The following GRID1 variants were observed in gnomAD, a reference collection of about 807,000 sequenced individuals.
GRID1 encodes glutamate receptor ionotropic, delta-1.
GRID1 carries 28 observed loss-of-function variants against 98.0 expected under a neutral mutation model. That is an observed-to-expected ratio of 0.29 (90% CI 0.21 to 0.39). GRID1 has a LOEUF of 0.39. Ranked by LOEUF, GRID1 falls within the 10% of genes least tolerant of loss-of-function variation. The probability of loss-of-function intolerance (pLI) is 1.00; values close to 1 mark genes in which losing one functional copy is unlikely to be tolerated. For synonymous variants in GRID1, 553 were observed against 538.5 expected (o/e 1.03, Z -0.37); for missense variants, 1,111 against 1,340.5 (o/e 0.83, Z 2.67).
At chr10:86,126,269 G>T (rs1187640242) in intron 4 of GRID1, among the ~76,000 whole-genome samples, 1 of 152,116 alleles carries the variant, frequency 6.6e-6, no homozygotes, top group Non-Finnish European at 1.5e-5. Context: ...GCCTGGCCAA[G>T]ATAGCGAAAC....
At chr10:85,653,117 G>C (rs140678847) in intron 12 of GRID1, among the ~76,000 whole-genome samples, 3 of 152,140 alleles carry the variant, frequency 2.0e-5, no homozygotes, top group African/African-American at 7.2e-5. Context: ...GTTTTCCAAC[G>C]CTTTAAAATG....
intron 4 of GRID1, among the ~76,000 whole-genome samples, chr10:85,963,677 A>C (rs149597582): frequency 2.6e-5 from 4 of 152,252 alleles, no homozygotes; most frequent in South Asian, 2.1e-4. Context: ...TCCTGGTCAC[A>C]CCTTGCCTCA....
intron 12 of GRID1, chr10:85,649,866 C>G (rs1229976629): frequency 6.6e-6 from 1 of 152,372 alleles, no homozygotes; most frequent in Non-Finnish European, 1.5e-5. Context: ...TTCTTTGAAT[C>G]TTACTGCTCA....
chr10:86,053,481 C>T (rs1843530555), intron 4 of GRID1, among the ~76,000 whole-genome samples: 1 of 151,994 alleles, frequency 6.6e-6, no homozygotes, highest in African/African-American at 2.4e-5. Context: ...CCTCAGCCTC[C>T]TTGAGTAGCT....
At chr10:85,896,289 C>T (rs1360274849) in intron 5 of GRID1, among the ~76,000 whole-genome samples, 1 of 152,154 alleles carries the variant, frequency 6.6e-6, no homozygotes, top group Admixed American at 6.6e-5. Flanking sequence ...AGAACTTTTA[C>T]TTGGCTTGAT....
intron 10 of GRID1, among the ~76,000 whole-genome samples, chr10:85,726,331 G>A (rs1451571950): frequency 6.6e-6 from 1 of 152,054 alleles, no homozygotes; most frequent in East Asian, 1.9e-4. Flanking sequence ...TAGCCAAGGA[G>A]CCCAACAAAG....
Position 85,602,151 on chromosome 10 carries a change from GA to G in GRID1, c.*121del, listed in dbSNP as rs1842584221. 1.8e-6 allele frequency: 1 copy of G among 569,988 alleles called. No homozygotes were observed. Among genetic ancestry groups the G allele is most frequent in the African/African-American group, 1.9e-5 (1 of 53,050 alleles). 35.3% of individuals were successfully genotyped at this position (569,988 alleles called of 1,614,324 possible). ...ATTTACACATATGTACAAGAAAAAT[GA>G]AAGAGTCTCTGTGTATGTGTGTGTG... On this transcript the variant is annotated 3_prime_UTR_variant, in exon 16 of 16. Transcript: ENST00000327946.
At chr10:86,321,078 C>A (rs1157066293) in intron 2 of GRID1, among the ~76,000 whole-genome samples, 2 of 139,008 alleles carry the variant, frequency 1.4e-5, no homozygotes, top group East Asian at 2.0e-4. Context: ...CCAGCCTGGG[C>A]GACAGAGTGA....
chr10:85,603,406 G>A (rs930067077), intron 15 of GRID1, among the ~76,000 whole-genome samples: 7 of 152,166 alleles, frequency 4.6e-5, no homozygotes, highest in African/African-American at 1.7e-4. Context: ...TGACCCTCCT[G>A]GTTTCATGAG....
chr10:85,732,337 CT>C (rs958900805), intron 8 of GRID1, among the ~76,000 whole-genome samples: 36 of 152,300 alleles, frequency 2.4e-4, no homozygotes, highest in African/African-American at 8.2e-4. Context: ...ACTCAATACT[CT>C]TATCCTGCAC....
At chr10:86,241,828 G>A (rs1846641136) in intron 2 of GRID1, among the ~76,000 whole-genome samples, 2 of 152,160 alleles carry the variant, frequency 1.3e-5, no homozygotes, top group African/African-American at 4.8e-5. Context: ...GGATGGAGCA[G>A]AAGACACCCC....
chr10:85,611,589 G>A (rs541197148), intron 15 of GRID1, among the ~76,000 whole-genome samples: 14 of 152,300 alleles, frequency 9.2e-5, no homozygotes, highest in Admixed American at 2.6e-4. Context: ...CGGGTGCAAC[G>A]TGTGCCAATT....
At chr10:85,955,320 C>A (rs1049270162) in intron 4 of GRID1, among the ~76,000 whole-genome samples, 4 of 152,162 alleles carry the variant, frequency 2.6e-5, no homozygotes, top group African/African-American at 9.7e-5. Flanking sequence ...CATATGGAGA[C>A]ACCAAGAGGC....
intron 8 of GRID1, among the ~76,000 whole-genome samples, chr10:85,831,656 A>G (rs957883706): frequency 6.6e-6 from 1 of 152,116 alleles, no homozygotes; most frequent in African/African-American, 2.4e-5. Flanking sequence ...TGACTAACCA[A>G]AAAAACGACT....
At chr10:85,749,785 C>T (rs190970213) in intron 8 of GRID1, among the ~76,000 whole-genome samples, 1 of 152,246 alleles carries the variant, frequency 6.6e-6, no homozygotes, top group Non-Finnish European at 1.5e-5. Context: ...ACATTTTCAC[C>T]CTAGAACTAC....
At chr10:85,788,939 T>A (rs1842454153) in intron 8 of GRID1, among the ~76,000 whole-genome samples, 1 of 152,164 alleles carries the variant, frequency 6.6e-6, no homozygotes, top group South Asian at 2.1e-4. Context: ...ATTTGTATAC[T>A]TAGCTTTCCA....
In GRID1 at chr10:86,206,226, G is replaced by C; in HGVS notation, c.520+138C>G. 1 of 691,128 alleles carries C rather than the reference G, an allele frequency of 1.4e-6. No homozygotes were observed. The allele number at this position is 691,128 out of a possible 1,614,324, so 42.8% of individuals were successfully genotyped here. ...GCTCTTCCTGACTCATGAAGCTCGA[G>C]GTTTGACCCTATCACCTGGAGGCCC... On this transcript the variant is annotated intron_variant, in intron 3 of 15. Coordinates refer to ENST00000327946, the MANE Select transcript of GRID1 (RefSeq NM_017551.3). The surrounding 1 kb of genome is among the most constrained non-coding windows in gnomAD (Gnocchi z 4.1).
intron 12 of GRID1, chr10:85,647,656 A>C: frequency 4.7e-6 from 2 of 429,122 alleles, no homozygotes; most frequent in South Asian, 7.3e-5. Context: ...TTCTTTACTG[A>C]ACTGGAGGGA....
intron 6 of GRID1, among the ~76,000 whole-genome samples, chr10:85,863,316 T>C (rs1308074741): frequency 6.6e-6 from 1 of 152,184 alleles, no homozygotes; most frequent in African/African-American, 2.4e-5. Context: ...CTTCAGCTCC[T>C]TATATGGGCA....
Sources: gnomAD v4.1 joint callset for allele counts (sites outside exome capture counted in the v4.1 genomes callset) on GRCh38, gnomAD v4.1.1 for gene constraint, Gnocchi (gnomAD v3.1) non-coding constraint, MANE v1.5 for transcripts, NCBI Gene and HGNC (gene_info 2026-07-23, HGNC 2026-07-21) for gene names.